Variants in RAET1E observed in about 807,000 individuals in gnomAD.
The protein encoded by RAET1E is NKG2D ligand 4.
RAET1E carries 27 observed loss-of-function variants against 21.1 expected under a neutral mutation model. That is an observed-to-expected ratio of 1.28 (90% CI 0.94 to 1.76). The LOEUF is 1.76. Ranked by LOEUF, RAET1E falls within the 40% of genes most tolerant of loss-of-function variation. RAET1E has a pLI of 0.00. For synonymous variants in RAET1E, 113 were observed against 115.0 expected, an observed-to-expected ratio of 0.98 and a Z score of 0.11; for missense variants, 310 against 311.3, an observed-to-expected ratio of 1.00 and a Z score of 0.03.
intron 4 of RAET1E, 88 bp from the exon 5 acceptor site, chr6:149,889,711 G>A (rs954479654): frequency 3.3e-5 from 51 of 1,530,530 alleles, no homozygotes; most frequent in Non-Finnish European, 4.4e-5. Flanking sequence ...GCACATTTAG[G>A]GGTCTGTATT....
rs922537476 is a variant in RAET1E at position 149,885,343 on chromosome 6, C to A, written c.*3155G>T. Among the ~76,000 whole-genome samples the A allele has an allele frequency of 1.3e-5, 2 of 152,242 alleles. No individual in the cohort carries two copies. The highest frequency in any genetic ancestry group is 6.5e-5 in the Admixed American group (1 of 15,288). Reference sequence around the variant, plus strand: ...GAGACAGTCCCCGAGACTCATTCAGCCTTTGCCTTTCTCCTGTTGGCCAGG... The same window carrying A: ...GAGACAGTCCCCGAGACTCATTCAGACTTTGCCTTTCTCCTGTTGGCCAGG... On this transcript the variant is annotated 3_prime_UTR_variant, in exon 6 of 6. Transcript: ENST00000357183.
At chr6:149,893,307 A>C (rs1211834093) in intron 2 of RAET1E, among the ~76,000 whole-genome samples, 2 of 152,116 alleles carry the variant, frequency 1.3e-5, no homozygotes, top group Non-Finnish European at 2.9e-5. Context: ...GGCCATTTTC[A>C]CGATATTAGT....
rs73782114 is a variant in RAET1E at position 149,888,142 on chromosome 6, A to G, written c.*356T>C. The G allele has an allele frequency of 7.3e-3, 3,922 of 537,700 alleles. 144 individuals carry two copies. Among genetic ancestry groups the G allele is most frequent in the African/African-American group, 0.068 (3,607 of 53,200 alleles). The allele number at this position is 537,700 out of a possible 1,614,324, so 33.3% of individuals were successfully genotyped here. ...ATCTGGGAGTAAATGCTGCAGCCACAAGCGCCACCAGCAAGTCTTCTCAGG... is the reference window on the plus strand; with the variant it reads ...ATCTGGGAGTAAATGCTGCAGCCACGAGCGCCACCAGCAAGTCTTCTCAGG... On this transcript the variant is annotated 3_prime_UTR_variant, in exon 6 of 6. Transcript: ENST00000357183.
rs772624056 is a variant in RAET1E, at chr6:149,890,023, T to A, written c.208A>T (p.Met70Leu). 4 of 1,614,114 alleles carry A rather than the reference T, an allele frequency of 2.5e-6. No homozygotes were observed. The highest frequency in any genetic ancestry group is 3.4e-6 in the Non-Finnish European group (4 of 1,180,018). ...LFLQYNSDNN[M>L]VKPLGLLGKK... ...CCCAGGAGGCCCAGAGGTTTGACCA[T>A]GTTGTTGTCACTGTTGTACTGAAGG... is the stretch of plus-strand genomic sequence containing the variant. The change falls in exon 4 of 6, where the codon ATG becomes TTG. Residue 70 changes from methionine (M) to leucine (L), a missense_variant. Transcript: ENST00000357183.
rs1183637470 is a variant in RAET1E, at chr6:149,890,154, C to T, written c.86-9G>A. On this transcript the variant is annotated splice_polypyrimidine_tract_variant and intron_variant, in intron 3 of 5. Coordinates refer to ENST00000357183, the MANE Select transcript of RAET1E (RefSeq NM_001394057.1). ...GCAAAGAGAGTGACCACCTGTGAGA[C>T]AAAGATGCAGGTGAGGTCCAGGACA... 3 of 1,613,720 alleles carry T rather than the reference C, an allele frequency of 1.9e-6. No homozygotes were observed. The highest frequency in any genetic ancestry group is 2.5e-6 in the Non-Finnish European group (3 of 1,179,788).
chr6:149,885,609 C>T lies in RAET1E; in HGVS notation c.*2889G>A, dbSNP rs1340172418. 1 of 152,346 alleles carries T rather than the reference C, an allele frequency of 6.6e-6. No homozygotes were observed. The allele number at this position is 152,346 out of a possible 1,614,324, so 9.4% of individuals were successfully genotyped here. On this transcript the variant is annotated 3_prime_UTR_variant, in exon 6 of 6. Coordinates refer to ENST00000357183, the MANE Select transcript of RAET1E (RefSeq NM_001394057.1). The stretch of plus-strand genomic sequence containing the variant: ...GTATACCTGATGCCCTCCCTCCTGA[C>T]CTGTGATTGGGATTGAGCTGAAGAT...
chr6:149,888,237 C>A lies in RAET1E; in HGVS notation c.*261G>T, dbSNP rs192711714. On this transcript the variant is annotated 3_prime_UTR_variant, in exon 6 of 6. Transcript: ENST00000357183. Reference sequence around the variant, plus strand: ...AAACGCAGACAGCAAACAAACTTTCCGTCAAAGAGCTGGATGAAACCTGGG... The same window carrying A: ...AAACGCAGACAGCAAACAAACTTTCAGTCAAAGAGCTGGATGAAACCTGGG... 8 of 686,352 alleles carry A rather than the reference C, an allele frequency of 1.2e-5. No individual in the cohort carries two copies. The highest frequency in any genetic ancestry group is 2.1e-5 in the Non-Finnish European group (8 of 372,752). The allele number at this position is 686,352 out of a possible 1,614,324, so 42.5% of individuals were successfully genotyped here.
At chr6:149,890,515 G>A (rs938547350) in intron 3 of RAET1E, among the ~76,000 whole-genome samples, 1 of 152,188 alleles carries the variant, frequency 6.6e-6, no homozygotes. Context: ...AGGAAAAAGA[G>A]GCATTTATCA....
At chr6:149,891,531 C>T (rs982995741) in intron 2 of RAET1E, among the ~76,000 whole-genome samples, 2 of 148,718 alleles carry the variant, frequency 1.3e-5, no homozygotes, top group African/African-American at 5.2e-5. Context: ...TATTGAGTCA[C>T]TCAATAAACA....
rs926758129 is a variant in RAET1E at position 149,888,476 on chromosome 6, C to T, written c.*22G>A. 2.5e-6 allele frequency: 4 copies of T among 1,606,722 alleles called. No individual in the cohort carries two copies. In the African/African-American group the frequency reaches 5.4e-5, roughly 22 times the overall value. On this transcript the variant is annotated 3_prime_UTR_variant, in exon 6 of 6. Transcript: ENST00000357183. ...GGGCTTGGATGAGACCCATGATTCACCTCTCTTGAGTCCTTACCAGACTAA... is the reference window on the plus strand; with the variant it reads ...GGGCTTGGATGAGACCCATGATTCATCTCTCTTGAGTCCTTACCAGACTAA...
chr6:149,895,430 T>C (rs547470631), intron 2 of RAET1E: 1 of 152,420 alleles, frequency 6.6e-6, no homozygotes, highest in African/African-American at 2.4e-5. Flanking sequence ...CATAGCAGCC[T>C]TGCTGAGCTG....
rs138690893 is a variant in RAET1E, at chr6:149,890,347, C to A, written c.86-202G>T. Among the ~76,000 whole-genome samples the A allele has an allele frequency of 3.3e-5, 5 of 152,188 alleles. No individual in the cohort carries two copies. The East Asian group carries it at 7.7e-4, about 24-fold the overall frequency. Reference sequence around the variant, plus strand: ...TGAGATACTTGATGGTACCAGGGACCCCTGGGGTGCACTTAGTGTTAATGG... The same window carrying A: ...TGAGATACTTGATGGTACCAGGGACACCTGGGGTGCACTTAGTGTTAATGG... On this transcript the variant is annotated intron_variant, in intron 3 of 5. Transcript: ENST00000357183.
Position 149,888,384 on chromosome 6 carries a change from TG to T in RAET1E, c.*113del, listed in dbSNP as rs1382763754. On this transcript the variant is annotated 3_prime_UTR_variant, in exon 6 of 6. Transcript: ENST00000357183. ...GCACATTGTGCTGCCAGCCCTGCTGTGTAGTGTGGGGGCTCAAGACTAAGGC... is the reference window on the plus strand; with the variant it reads ...GCACATTGTGCTGCCAGCCCTGCTGTTAGTGTGGGGGCTCAAGACTAAGGC... 7.9e-7 allele frequency: 1 copy of T among 1,264,618 alleles called. No homozygotes were observed. Among genetic ancestry groups the T allele is most frequent in the African/African-American group, 1.5e-5 (1 of 67,002 alleles). The allele number at this position is 1,264,618 out of a possible 1,614,324, so 78.3% of individuals were successfully genotyped here.
chr6:149,888,733 A>G, intron 5 of RAET1E, 66 bp from the exon 6 acceptor site: 2 of 1,522,938 alleles, frequency 1.3e-6, no homozygotes, highest in Non-Finnish European at 1.7e-6. Flanking sequence ...AAGCATAAAA[A>G]TATGCTTTCC....
chr6:149,884,330 G>T lies in RAET1E; in HGVS notation c.*4168C>A. On this transcript the variant is annotated 3_prime_UTR_variant, in exon 6 of 6. Coordinates refer to ENST00000357183, the MANE Select transcript of RAET1E (RefSeq NM_001394057.1). ...AAAAATTTTTTTTTTTTGAGACGGA[G>T]TCTTGCTCTGTTGCCAAGACTGGAA... The T allele has an allele frequency of 4.4e-6, 3 of 684,008 alleles. No individual in the cohort carries two copies. Among genetic ancestry groups the T allele is most frequent in the Admixed American group, 2.6e-5 (1 of 38,350 alleles). The allele number at this position is 684,008 out of a possible 1,614,324, so 42.4% of individuals were successfully genotyped here. A position where few individuals can be genotyped will look rare whatever the true frequency, so the allele number is the denominator to read the frequency against.
chr6:149,895,691 A>G (rs1778089566), intron 2 of RAET1E, 155 bp downstream of exon 2: 1 of 152,240 alleles, frequency 6.6e-6, no homozygotes, highest in African/African-American at 2.4e-5. Context: ...AATAAAGCAC[A>G]AGTTTTCCTC....
rs948522128 is a variant in RAET1E at position 149,886,625 on chromosome 6, C to A, written c.*1873G>T. Among the ~76,000 whole-genome samples the A allele has an allele frequency of 2.0e-5, 3 of 152,200 alleles. No homozygotes were observed. The highest frequency in any genetic ancestry group is 7.2e-5 in the African/African-American group (3 of 41,448). On this transcript the variant is annotated 3_prime_UTR_variant, in exon 6 of 6. Coordinates refer to ENST00000357183, the MANE Select transcript of RAET1E (RefSeq NM_001394057.1). ...GGCCAGGCTGGTCTCGAACTCCTGACCTCAAATGATCCACCCAACTTGGCC... is the reference window on the plus strand; with the variant it reads ...GGCCAGGCTGGTCTCGAACTCCTGAACTCAAATGATCCACCCAACTTGGCC...
chr6:149,890,666 T>G, intron 3 of RAET1E, 151 bp downstream of exon 3: 1 of 626,830 alleles, frequency 1.6e-6, no homozygotes, highest in South Asian at 1.8e-5. Context: ...TCCCATGAAC[T>G]GGGTGTAACA....
chr6:149,888,900 T>C (rs1252970476), intron 5 of RAET1E, among the ~76,000 whole-genome samples: 2 of 152,096 alleles, frequency 1.3e-5, no homozygotes, highest in Admixed American at 1.3e-4. Flanking sequence ...CAAATATCCA[T>C]CTGATTACCA....
Sources: gnomAD v4.1 joint callset for allele counts (sites outside exome capture counted in the v4.1 genomes callset) on GRCh38, gnomAD v4.1.1 for gene constraint, MANE v1.5 for transcripts, NCBI Gene and HGNC (gene_info 2026-07-23, HGNC 2026-07-21) for gene names.